The following GALNT17 variants were observed in gnomAD, a reference collection of about 807,000 sequenced individuals.
The protein encoded by GALNT17 is polypeptide N-acetylgalactosaminyltransferase 17.
Under a neutral mutation model 63.7 loss-of-function variants are expected in GALNT17, and 29 were observed. That is an observed-to-expected ratio of 0.46 (90% CI 0.34 to 0.62). The LOEUF is 0.62. GALNT17 is among the 20% of genes least tolerant of loss of function. The probability of loss-of-function intolerance (pLI) is 0.01; values close to 1 mark genes in which losing one functional copy is unlikely to be tolerated. For synonymous variants in GALNT17, 305 were observed against 318.3 expected (o/e 0.96, Z 0.45); for missense variants, 603 against 799.6 (o/e 0.75, Z 2.97).
intron 1 of GALNT17, among the ~76,000 whole-genome samples, chr7:71,140,430 G>A (rs1368787790): frequency 2.6e-5 from 4 of 152,206 alleles, no homozygotes; most frequent in Non-Finnish European, 4.4e-5. Context: ...ACAGCCCTCA[G>A]ATGCAGGCAC....
At chr7:71,323,016 G>T (rs534367863) in intron 1 of GALNT17, among the ~76,000 whole-genome samples, 1 of 152,210 alleles carries the variant, frequency 6.6e-6, no homozygotes, top group African/African-American at 2.4e-5. Context: ...CTGAAGGAGT[G>T]GGTGTGTTTA....
chr7:71,156,169 C>G (rs1466824929), intron 1 of GALNT17, among the ~76,000 whole-genome samples: 1 of 151,206 alleles, frequency 6.6e-6, no homozygotes, highest in Non-Finnish European at 1.5e-5. Context: ...GCACTCCAGC[C>G]TGGGCACCGA....
chr7:71,304,693 A>G (rs1791258194), intron 1 of GALNT17, among the ~76,000 whole-genome samples: 1 of 151,986 alleles, frequency 6.6e-6, no homozygotes, highest in Non-Finnish European at 1.5e-5. Flanking sequence ...TTTGTTGGAA[A>G]GTGGTCTGCT....
At chr7:71,492,175 AG>A (rs768016003) in intron 5 of GALNT17, among the ~76,000 whole-genome samples, 1 of 152,200 alleles carries the variant, frequency 6.6e-6, no homozygotes, top group Non-Finnish European at 1.5e-5. Flanking sequence ...GCTACTCGGG[AG>A]GCTGAGATAG....
At chr7:71,591,984 C>T (rs2116917882) in intron 6 of GALNT17, among the ~76,000 whole-genome samples, 1 of 152,292 alleles carries the variant, frequency 6.6e-6, no homozygotes, top group East Asian at 1.9e-4. Context: ...GTTTTATTTC[C>T]TCTTCTCTTG....
chr7:71,142,941 C>CAATAAAA (rs1787943544), intron 1 of GALNT17, among the ~76,000 whole-genome samples: 1 of 123,328 alleles, frequency 8.1e-6, no homozygotes, highest in Non-Finnish European at 1.7e-5. Context: ...ACTCTTGTCT[C>CAATAAAA]AAAAAAAAAA....
At chr7:71,627,579 C>T (rs935679635) in intron 6 of GALNT17, among the ~76,000 whole-genome samples, 3 of 152,170 alleles carry the variant, frequency 2.0e-5, no homozygotes, top group South Asian at 2.1e-4. Flanking sequence ...GGTACAACCA[C>T]GGCCTCCCCC....
At chr7:71,404,697 A>G (rs994443832) in intron 3 of GALNT17, among the ~76,000 whole-genome samples, 3 of 152,198 alleles carry the variant, frequency 2.0e-5, no homozygotes, top group African/African-American at 7.2e-5. Context: ...GTGTATCACC[A>G]TATATGTGGC....
At chr7:71,270,121 A>G (rs1349417495) in intron 1 of GALNT17, among the ~76,000 whole-genome samples, 1 of 152,116 alleles carries the variant, frequency 6.6e-6, no homozygotes, top group Non-Finnish European at 1.5e-5. Flanking sequence ...AGTAGTTACT[A>G]TTTTTAGCCC....
At chr7:71,535,983 C>T (rs1451501829) in intron 5 of GALNT17, among the ~76,000 whole-genome samples, 1 of 152,154 alleles carries the variant, frequency 6.6e-6, no homozygotes, top group Admixed American at 6.5e-5. Context: ...TATAACACCG[C>T]AGCCAGGCCA....
chr7:71,394,780 G>A (rs1208693085), intron 3 of GALNT17, among the ~76,000 whole-genome samples: 2 of 152,034 alleles, frequency 1.3e-5, no homozygotes, highest in Admixed American at 6.6e-5. Context: ...TGATTGAGAT[G>A]TAATTCACAT....
intron 8 of GALNT17, among the ~76,000 whole-genome samples, chr7:71,670,657 A>T (rs946981414): frequency 6.6e-6 from 1 of 152,212 alleles, no homozygotes. Flanking sequence ...GTGCTTTTGA[A>T]GTACTGGGCA....
At chr7:71,564,278 C>CT (rs10539122) in intron 5 of GALNT17, among the ~76,000 whole-genome samples, 21,417 of 95,462 alleles carry the variant, frequency 0.22, 2,935 homozygotes, top group Non-Finnish European at 0.3. Context: ...CTTTTCTTTT[C>CT]TTTTTTTTTT....
intron 5 of GALNT17, among the ~76,000 whole-genome samples, chr7:71,437,293 C>G (rs1220416150): frequency 6.6e-6 from 1 of 152,206 alleles, no homozygotes; most frequent in Non-Finnish European, 1.5e-5. Flanking sequence ...TTATGCAAAA[C>G]TCCCCAGCCT....
chr7:71,505,500 T>C (rs1788252435), intron 5 of GALNT17, among the ~76,000 whole-genome samples: 1 of 152,168 alleles, frequency 6.6e-6, no homozygotes, highest in Admixed American at 6.6e-5. Flanking sequence ...CTTACGAGGC[T>C]GAAGTGGGAG....
intron 4 of GALNT17, among the ~76,000 whole-genome samples, chr7:71,419,529 G>A (rs965413490): frequency 1.3e-5 from 2 of 152,212 alleles, no homozygotes; most frequent in African/African-American, 2.4e-5. Flanking sequence ...AGGCAGCTGC[G>A]CAGTCATTGT....
chr7:71,160,980 C>T (rs964530258), intron 1 of GALNT17, among the ~76,000 whole-genome samples: 1 of 152,066 alleles, frequency 6.6e-6, no homozygotes, highest in Non-Finnish European at 1.5e-5. Flanking sequence ...ACTACAGGTG[C>T]ATGCCACTAT....
intron 5 of GALNT17, among the ~76,000 whole-genome samples, chr7:71,469,374 C>T (rs73177425): frequency 0.16 from 23,758 of 152,088 alleles, 1,942 homozygotes; most frequent in Middle Eastern, 0.24. Context: ...GGACTGGTCA[C>T]GGAAAAACCT....
At chr7:71,441,941 G>A (rs865931526) in intron 5 of GALNT17, among the ~76,000 whole-genome samples, 22 of 152,146 alleles carry the variant, frequency 1.4e-4, no homozygotes, top group Middle Eastern at 3.4e-3. Flanking sequence ...TGCAATAAAC[G>A]TATGTGTGTG....
Sources: gnomAD v4.1 joint callset for allele counts (sites outside exome capture counted in the v4.1 genomes callset) on GRCh38, gnomAD v4.1.1 for gene constraint, MANE v1.5 for transcripts, NCBI Gene and HGNC (gene_info 2026-07-23, HGNC 2026-07-21) for gene names.